KATNAL2: variants seen among roughly 807,000 people sequenced by gnomAD.
The protein encoded by KATNAL2 is katanin p60 ATPase-containing subunit A-like 2.
A neutral mutation model predicts 76.3 loss-of-function variants in KATNAL2; 52 were observed. The observed-to-expected ratio is 0.68, with a 90% CI of 0.55 to 0.86. The LOEUF is 0.86. Ranked by LOEUF, KATNAL2 falls within the 40% of genes least tolerant of loss-of-function variation. The pLI is 0.00. For synonymous variants in KATNAL2, 243 were observed against 244.2 expected (o/e 1.00, Z 0.05); for missense variants, 660 against 668.9 (o/e 0.99, Z 0.15).
At position 46,955,150 on chromosome 18, in the gene KATNAL2, C is replaced by CTTTCTTTG. The variant is rs1321192657; in HGVS notation, c.51+8234_51+8235insGTTTCTTT. 5.9e-5 allele frequency among the ~76,000 whole-genome samples: 8 copies of CTTTCTTTG among 135,980 alleles called. No homozygotes were observed. The East Asian group carries it at 1.3e-3, about 23-fold the overall frequency. The allele number at this position is 135,980 out of a possible 152,430, so 89.2% of individuals were successfully genotyped here. ...TCTTTCTTTCTCTCTCTCTTTCTTT[C>CTTTCTTTG]TTTCTTTCTTTCTTTCTTTCTTTCT... On this transcript the variant is annotated intron_variant, in intron 3 of 17. Coordinates refer to ENST00000683218, the MANE Select transcript of KATNAL2 (RefSeq NM_001387690.1).
At chr18:47,074,881 T>C (rs1446192797) in intron 13 of KATNAL2, among the ~76,000 whole-genome samples, 1 of 152,152 alleles carries the variant, frequency 6.6e-6, no homozygotes, top group African/African-American at 2.4e-5. Context: ...TTCCCAAAGA[T>C]TAAGGGAAGA....
At chr18:46,932,147 G>A (rs367548395) in intron 1 of KATNAL2, among the ~76,000 whole-genome samples, 3 of 152,022 alleles carry the variant, frequency 2.0e-5, no homozygotes, top group Middle Eastern at 3.4e-3. Context: ...TCCTGACCTC[G>A]TGATCCGCCC....
intron 3 of KATNAL2, chr18:47,033,164 T>C (rs756897655): frequency 6.2e-7 from 1 of 1,613,926 alleles, no homozygotes; most frequent in Non-Finnish European, 8.5e-7. Context: ...CAGCGAAGGA[T>C]GCTGCTGCTG....
chr18:47,031,012 T>TCCCCCCCCCCCCCCC (rs372151610), intron 3 of KATNAL2, among the ~76,000 whole-genome samples: 1 of 6,624 alleles, frequency 1.5e-4, no homozygotes, highest in Non-Finnish European at 3.0e-4. Context: ...CTCTAGCATC[T>TCCCCCCCCCCCCCCC]CCCCCCCCCC....
rs570584224 is a variant in KATNAL2, at chr18:47,046,465, G to C, written c.60G>C (p.Met20Ile). 3.9e-5 allele frequency: 60 copies of C among 1,535,740 alleles called. No homozygotes were observed. In the South Asian group the frequency reaches 4.9e-4, roughly 12 times the overall value. The change falls in exon 4 of 18, where the codon ATG becomes ATC. Residue 20 changes from methionine (M) to isoleucine (I), a missense_variant. Physicochemically the swap from Met to Ile is conservative, Grantham distance 10. Coordinates refer to ENST00000683218, the MANE Select transcript of KATNAL2 (RefSeq NM_001387690.1). ...FTHQAREACE[M>I]RTEARRKNLL... ...ATTTTCCTCTGTTCCAGTGCGAGATGAGGACAGAAGCACGACGAAAAAATC... is the reference window on the plus strand; with the variant it reads ...ATTTTCCTCTGTTCCAGTGCGAGATCAGGACAGAAGCACGACGAAAAAATC...
Position 47,097,148 on chromosome 18 carries a change from C to G in KATNAL2, c.1212-2095C>G, listed in dbSNP as rs577073742. Among the ~76,000 whole-genome samples the G allele has an allele frequency of 3.6e-3, 520 of 143,080 alleles. 8 individuals are homozygous for G. Among genetic ancestry groups the G allele is most frequent in the African/African-American group, 0.012 (490 of 39,958 alleles). The allele number at this position is 143,080 out of a possible 152,430, so 93.9% of individuals were successfully genotyped here. On this transcript the variant is annotated intron_variant, in intron 15 of 17. Coordinates refer to ENST00000683218, the MANE Select transcript of KATNAL2 (RefSeq NM_001387690.1). ...AAAAAAAAAAAAAAAAAATCCAACT[C>G]TGTGTGTGTATGTGTGTGTTTAATC...
At chr18:47,032,073 C>T (rs2060490533) in intron 3 of KATNAL2, among the ~76,000 whole-genome samples, 1 of 152,294 alleles carries the variant, frequency 6.6e-6, no homozygotes, top group South Asian at 2.1e-4. Context: ...CCTCTTTAGA[C>T]TTCTTGATTC....
chr18:46,948,266 A>G (rs2059439848), intron 3 of KATNAL2, among the ~76,000 whole-genome samples: 1 of 151,674 alleles, frequency 6.6e-6, no homozygotes, highest in Admixed American at 6.6e-5. Context: ...ATGCGCCACC[A>G]TGCCCAGCTA....
intron 15 of KATNAL2, among the ~76,000 whole-genome samples, chr18:47,094,553 C>A (rs141603708): frequency 6.6e-6 from 1 of 152,260 alleles, no homozygotes; most frequent in East Asian, 1.9e-4. Flanking sequence ...GAGAGGGGTA[C>A]ATTAACAAAA....
chr18:47,046,580 A>G (rs2061164193), intron 4 of KATNAL2, 53 bp downstream of exon 4: 1 of 1,198,942 alleles, frequency 8.3e-7, no homozygotes. Context: ...TCTGCTCTCT[A>G]CTTTTCCAGA....
intron 15 of KATNAL2, among the ~76,000 whole-genome samples, chr18:47,077,837 T>G (rs1016668917): frequency 2.0e-5 from 3 of 152,226 alleles, no homozygotes; most frequent in African/African-American, 7.2e-5. Context: ...AAAATTAAAC[T>G]TTTTTAAGTT....
rs78703982 is a variant in KATNAL2, at chr18:47,036,621, T to C, written c.52-9836T>C. Among the ~76,000 whole-genome samples, 93 of 152,382 alleles carry C rather than the reference T, an allele frequency of 6.1e-4. No homozygotes were observed. The East Asian group carries it at 0.016, about 26-fold the overall frequency. ...TAAAACTTTAAAGAAATTTTTACTC[T>C]TGTCTCTAGCTATTATTGTTGAAAC... is the stretch of plus-strand genomic sequence containing the variant. On this transcript the variant is annotated intron_variant, in intron 3 of 17. Transcript: ENST00000683218.
intron 13 of KATNAL2, among the ~76,000 whole-genome samples, chr18:47,071,039 G>A (rs990792457): frequency 1.3e-5 from 2 of 152,074 alleles, no homozygotes; most frequent in African/African-American, 4.8e-5. Context: ...TACTTATATG[G>A]GGAATTTTTT....
intron 3 of KATNAL2, among the ~76,000 whole-genome samples, chr18:46,959,179 A>G (rs1278579170): frequency 1.3e-5 from 2 of 152,248 alleles, no homozygotes; most frequent in Non-Finnish European, 2.9e-5. Context: ...ACCAATAGCT[A>G]TAAAAAATGT....
chr18:47,086,504 G>T (rs1599837953), intron 15 of KATNAL2, among the ~76,000 whole-genome samples: 1 of 151,996 alleles, frequency 6.6e-6, no homozygotes, highest in Non-Finnish European at 1.5e-5. Flanking sequence ...TTTAGTAGAG[G>T]TGGGGTTTCA....
At chr18:46,931,375 G>T (rs1198378765) in intron 1 of KATNAL2, among the ~76,000 whole-genome samples, 1 of 151,722 alleles carries the variant, frequency 6.6e-6, no homozygotes, top group Non-Finnish European at 1.5e-5. Context: ...AAAAAGGCAG[G>T]GTGTGGTGGC....
intron 15 of KATNAL2, among the ~76,000 whole-genome samples, chr18:47,092,072 ACATATAAGGAAGAGGG>A (rs76719710): frequency 0.068 from 10,320 of 152,218 alleles, 430 homozygotes; most frequent in East Asian, 0.13. Context: ...GCCTTTAATT[ACATATAAGGAAGAGGG>A]CATCTTGTTT....
At chr18:47,097,287 T>C (rs1430864429) in intron 15 of KATNAL2, among the ~76,000 whole-genome samples, 3 of 152,172 alleles carry the variant, frequency 2.0e-5, no homozygotes, top group African/African-American at 7.2e-5. Context: ...GTCAAAGTAT[T>C]GTACACAGAA....
chr18:47,074,398 G>C (rs1019627803), intron 13 of KATNAL2, among the ~76,000 whole-genome samples: 2 of 152,130 alleles, frequency 1.3e-5, no homozygotes, highest in African/African-American at 2.4e-5. Context: ...GTGATGGTTT[G>C]CTAGTGCTAA....
Sources: allele counts gnomAD v4.1 joint callset (sites outside exome capture counted in the v4.1 genomes callset), GRCh38; gene constraint gnomAD v4.1.1; transcripts MANE v1.5; gene names NCBI Gene and HGNC (gene_info 2026-07-23, HGNC 2026-07-21).